Variants in PIGR observed in about 807,000 individuals in gnomAD.
The protein encoded by PIGR is hepatocellular carcinoma associated protein TB6.
Under a neutral mutation model 69.5 loss-of-function variants are expected in PIGR, and 22 were observed. The ratio of observed to expected loss-of-function variants is 0.32; its 90% CI spans 0.23 to 0.45. The LOEUF is 0.45. Among genes scored for constraint, PIGR ranks in the 20% least tolerant of loss-of-function variants. The pLI, the probability that PIGR is intolerant of heterozygous loss-of-function variation, is 1.00. For missense variants in PIGR, 885 were observed against 974.0 expected (o/e 0.91, Z 1.22); for synonymous variants, 413 against 407.6 (o/e 1.01, Z -0.16).
chr1:206,931,913 G>A lies in PIGR; in HGVS notation c.2009-111C>T. 4 of 1,203,016 alleles carry A rather than the reference G, an allele frequency of 3.3e-6. No individual in the cohort carries two copies. In the East Asian group the frequency reaches 9.4e-5, roughly 28 times the overall value. The allele number at this position is 1,203,016 out of a possible 1,614,324, so 74.5% of individuals were successfully genotyped here. Reference sequence around the variant, plus strand: ...ACTGTAGCCCTGCAGGACAGCTGAGGTGGTGCAGCTCTGACTATGACCCAG... The same window carrying A: ...ACTGTAGCCCTGCAGGACAGCTGAGATGGTGCAGCTCTGACTATGACCCAG... On this transcript the variant is annotated intron_variant, in intron 8 of 10. Transcript: ENST00000356495.
At position 206,937,700 on chromosome 1, in the gene PIGR, G is replaced by A. The variant is rs763319879; in HGVS notation, c.440C>T (p.Thr147Met). 50 of 1,613,890 alleles carry A rather than the reference G, an allele frequency of 3.1e-5. No individual in the cohort carries two copies. Among genetic ancestry groups the A allele is most frequent in the Middle Eastern group, 1.6e-4 (1 of 6,082 alleles). The change falls in exon 4 of 11, where the codon ACG becomes ATG. Residue 147 changes from threonine to methionine, a missense_variant. Physicochemically the swap from Thr to Met is moderately conservative, Grantham distance 81. Coordinates refer to ENST00000356495, the MANE Select transcript of PIGR (RefSeq NM_002644.4). ...TKVYTVDLGR[T>M]VTINCPFKTE... ...CTTGAAAGGGCAGTTGATGGTCACC[G>A]TTCTGCCCAGGTCCACTGTGTAGAC...
chr1:206,932,944 C>T, intron 7 of PIGR, 42 bp downstream of exon 7: 1 of 1,602,642 alleles, frequency 6.2e-7, no homozygotes, highest in Non-Finnish European at 8.5e-7. Flanking sequence ...GTGCTCGGCT[C>T]TGGGGTGTTC....
rs749036004 is a variant in PIGR at position 206,935,532 on chromosome 1, G to A, written c.1332C>T (p.Asn444=). 2.4e-5 allele frequency: 38 copies of A among 1,614,050 alleles called. No individual in the cohort carries two copies. The highest frequency in any genetic ancestry group is 1.6e-4 in the Middle Eastern group (1 of 6,084). ...CGGTGGTCCTCCAGAGAGTATCGCC[G>A]TTGGTCAGACACCAGTAGAAGCCGG... is the stretch of plus-strand genomic sequence containing the variant. ...RDAGFYWCLT[N]GDTLWRTTVE... Residue 444 remains asparagine, a synonymous_variant, in exon 5 of 11, where the codon AAC becomes AAT. Coordinates refer to ENST00000356495, the MANE Select transcript of PIGR (RefSeq NM_002644.4). The surrounding 1 kb of genome is among the most constrained non-coding windows in gnomAD (Gnocchi z 4.4).
At chr1:206,932,715 C>T (rs1221255116) in intron 7 of PIGR, 138 bp from the exon 8 acceptor site, 4 of 1,120,010 alleles carry the variant, frequency 3.6e-6, no homozygotes, top group African/African-American at 1.6e-5. Flanking sequence ...TAGCTCTGTT[C>T]TTCTAAGAAG....
At position 206,931,687 on chromosome 1, in the gene PIGR, G is replaced by A; in HGVS notation, c.2124C>T (p.Ser708=). ...MGASSITQET[S]LGGKEEFVAT... ...GGGTCATACCTTCTTTTCCTCCGAG[G>A]GATGTCTCCTGAGTGATCGAAGAGG... Residue 708 remains serine, a synonymous_variant, in exon 9 of 11, where the codon TCC becomes TCT. Coordinates refer to ENST00000356495, the MANE Select transcript of PIGR (RefSeq NM_002644.4). 6.2e-7 allele frequency: 1 copy of A among 1,614,082 alleles called. No individual in the cohort carries two copies. Among genetic ancestry groups the A allele is most frequent in the Non-Finnish European group, 8.5e-7 (1 of 1,180,016 alleles).
rs200998299 is a variant in PIGR at position 206,935,694 on chromosome 1, G to C, written c.1170C>G (p.Ala390=). 6.2e-7 allele frequency: 1 copy of C among 1,613,876 alleles called. No individual in the cohort carries two copies. The highest frequency in any genetic ancestry group is 8.5e-7 in the Non-Finnish European group (1 of 1,180,014). ...CCAGCAGGGGGCAGCGGCCATTCTG[G>C]GCCCCTTCCCAGAGACACCAGTACT... ...SIKYWCLWEG[A]QNGRCPLLVD... The change falls in exon 5 of 11, where the codon GCC becomes GCG. Residue 390 remains alanine, a synonymous_variant. Transcript: ENST00000356495. The surrounding 1 kb of genome is among the most constrained non-coding windows in gnomAD (Gnocchi z 4.4).
intron 1 of PIGR, among the ~76,000 whole-genome samples, chr1:206,945,884 C>T (rs918275900): frequency 6.6e-6 from 1 of 152,184 alleles, no homozygotes; most frequent in Non-Finnish European, 1.5e-5. Context: ...AAAGCTATTT[C>T]ACCTGTGTTT....
At position 206,931,773 on chromosome 1, in the gene PIGR, C is replaced by T. The variant is rs1377679911; in HGVS notation, c.2038G>A (p.Asp680Asn). Residue 680 changes from aspartate (D) to asparagine (N), a missense_variant, in exon 9 of 11, where the codon GAC becomes AAC. Coordinates refer to ENST00000356495, the MANE Select transcript of PIGR (RefSeq NM_002644.4). ...DRVSIRSYRT[D>N]ISMSDFENSR... ...TTCTCGAAGTCTGACATGCTAATGT[C>T]TGTCCTGTAGCTTCTGATTGAAACT... The T allele has an allele frequency of 1.2e-6, 2 of 1,614,048 alleles. No individual in the cohort carries two copies. Among genetic ancestry groups the T allele is most frequent in the African/African-American group, 2.7e-5 (2 of 74,910 alleles).
At chr1:206,938,776 C>G (rs770430698) in intron 3 of PIGR, among the ~76,000 whole-genome samples, 1 of 152,178 alleles carries the variant, frequency 6.6e-6, no homozygotes, top group Non-Finnish European at 1.5e-5. Flanking sequence ...CTGTAAATCT[C>G]TCCCTACCTT....
Position 206,937,307 on chromosome 1 carries a change from T to A in PIGR, c.833A>T (p.Asn278Ile). 6.2e-7 allele frequency: 1 copy of A among 1,613,180 alleles called. No individual in the cohort carries two copies. Among genetic ancestry groups the A allele is most frequent in the Non-Finnish European group, 8.5e-7 (1 of 1,179,508 alleles). Reference sequence around the variant, plus strand: ...CAGGGTGTTGACGACCACGTCACAGTTTTCCCCACTGCTCTGTCGGCACAG... The same window carrying A: ...CAGGGTGTTGACGACCACGTCACAGATTTCCCCACTGCTCTGTCGGCACAG... ...KFLCRQSSGENCDVVVNTLGK... is the reference protein window; with the variant it reads ...KFLCRQSSGEICDVVVNTLGK... Residue 278 changes from asparagine (N) to isoleucine (I), a missense_variant, in exon 4 of 11, where the codon AAC (asparagine) becomes ATC (isoleucine). Physicochemically the swap from Asn to Ile is moderately radical, Grantham distance 149. Transcript: ENST00000356495.
intron 3 of PIGR, 33 bp from the exon 4 acceptor site, chr1:206,937,784 G>A: frequency 6.3e-7 from 1 of 1,594,468 alleles, no homozygotes; most frequent in Non-Finnish European, 8.6e-7. Flanking sequence ...TAGGGGGCAG[G>A]CAAGTTACGA....
At chr1:206,931,450 T>A in intron 10 of PIGR, 47 bp downstream of exon 10, 1 of 1,613,950 alleles carries the variant, frequency 6.2e-7, no homozygotes, top group Admixed American at 1.7e-5. Flanking sequence ...CATCCCCTCA[T>A]GCTGCATTTC....
At position 206,937,255 on chromosome 1, in the gene PIGR, G is replaced by T; in HGVS notation, c.885C>A (p.Gly295=). The T allele has an allele frequency of 6.2e-7, 1 of 1,614,022 alleles. No individual in the cohort carries two copies. Residue 295 remains glycine, a synonymous_variant, in exon 4 of 11, where the codon GGC becomes GGA. Transcript: ENST00000356495. ...TLGKRAPAFE[G]RILLNPQDKD... is the part of the protein sequence containing the mutation. ...TGTCCTGGGGGTTGAGCAGGATCCT[G>T]CCCTCAAAGGCTGGGGCCCTCTTCC... is the stretch of plus-strand genomic sequence containing the variant.
Position 206,935,439 on chromosome 1 carries a change from C to A in PIGR, c.1378+47G>T, listed in dbSNP as rs1364292872. The A allele has an allele frequency of 6.7e-7, 1 of 1,483,890 alleles. No homozygotes were observed. Among genetic ancestry groups the A allele is most frequent in the Non-Finnish European group, 9.3e-7 (1 of 1,079,222 alleles). 91.9% of individuals were successfully genotyped at this position (1,483,890 alleles called of 1,614,324 possible). Reference sequence around the variant, plus strand: ...GGAAGAGTGGTTGGGGATGCTGCTGCTGGCTGGAGAGGTTTTAGAGCTTTC... The same window carrying A: ...GGAAGAGTGGTTGGGGATGCTGCTGATGGCTGGAGAGGTTTTAGAGCTTTC... On this transcript the variant is annotated intron_variant, in intron 5 of 10. Transcript: ENST00000356495. The surrounding 1 kb of genome is among the most constrained non-coding windows in gnomAD (Gnocchi z 4.4).
rs1231693102 is a variant in PIGR, at chr1:206,929,650, C to T, written c.*668G>A. 1 of 152,152 alleles carries T rather than the reference C, an allele frequency of 6.6e-6. No homozygotes were observed. The highest frequency in any genetic ancestry group is 1.5e-5 in the Non-Finnish European group (1 of 68,026). The allele number at this position is 152,152 out of a possible 1,614,324, so 9.4% of individuals were successfully genotyped here. On this transcript the variant is annotated 3_prime_UTR_variant, in exon 11 of 11. Coordinates refer to ENST00000356495, the MANE Select transcript of PIGR (RefSeq NM_002644.4). ...GTTTATAATTACCTGTGTGTATGCTCATCATACATGACCCCTAAGGCCTTA... is the reference window on the plus strand; with the variant it reads ...GTTTATAATTACCTGTGTGTATGCTTATCATACATGACCCCTAAGGCCTTA...
intron 2 of PIGR, among the ~76,000 whole-genome samples, chr1:206,940,061 T>A (rs149008019): frequency 2.0e-5 from 3 of 152,382 alleles, no homozygotes; most frequent in African/African-American, 7.2e-5. Context: ...CGTAAGGTGT[T>A]ACATGTTTGC....
At chr1:206,931,360 C>G (rs1679744683) in intron 10 of PIGR, 137 bp downstream of exon 10, 2 of 1,572,054 alleles carry the variant, frequency 1.3e-6, no homozygotes, top group Non-Finnish European at 1.7e-6. Context: ...GTCCTGAGGA[C>G]TCCTGAGGAC....
chr1:206,937,849 G>T (rs953867408), intron 3 of PIGR, 98 bp from the exon 4 acceptor site: 3 of 1,116,432 alleles, frequency 2.7e-6, no homozygotes, highest in Non-Finnish European at 3.9e-6. Context: ...GGTGTGGGTG[G>T]ACTTATAACC....
At chr1:206,934,891 C>T (rs1679834614) in intron 5 of PIGR, 145 bp from the exon 6 acceptor site, 1 of 530,570 alleles carries the variant, frequency 1.9e-6, no homozygotes, top group Admixed American at 3.7e-5. Flanking sequence ...CAAGGTCTCT[C>T]TCTGTCACCC....
Sources: allele counts gnomAD v4.1 joint callset (sites outside exome capture counted in the v4.1 genomes callset), GRCh38; gene constraint gnomAD v4.1.1; non-coding constraint Gnocchi (gnomAD v3.1); transcripts MANE v1.5; gene names NCBI Gene and HGNC (gene_info 2026-07-23, HGNC 2026-07-21).